The following PKHD1 variants were observed in gnomAD, a reference collection of about 807,000 sequenced individuals.
PKHD1 encodes the protein PKHD1 ciliary IPT domain containing fibrocystin/polyductin, also known as fibrocystin.
In PKHD1, 291 loss-of-function variants were observed where a neutral mutation model predicts 412.0. That is an observed-to-expected ratio of 0.71 (90% CI 0.64 to 0.78). PKHD1 has a LOEUF of 0.78. PKHD1 is among the 30% of genes least tolerant of loss of function. The pLI, the probability that PKHD1 is intolerant of heterozygous loss-of-function variation, is 0.00. For synonymous variants in PKHD1, 1,777 were observed against 1,821.5 expected (o/e 0.98, Z 0.62); for missense variants, 4,825 against 4,950.7 (o/e 0.97, Z 0.76).
chr6:51,886,031 T>C (rs977614525), intron 44 of PKHD1, 59 bp from the exon 45 acceptor site: 4 of 1,027,528 alleles, frequency 3.9e-6, no homozygotes, highest in South Asian at 1.3e-5. Context: ...TTTCTACTTT[T>C]TCTTGTTGAA....
rs1416246794 is a variant in PKHD1, at chr6:52,048,592, CTCTT to C, written c.2303_2306del (p.Glu768GlyfsTer8). On this transcript the variant is annotated frameshift_variant, in exon 23 of 67. Coordinates refer to ENST00000371117, the MANE Select transcript of PKHD1 (RefSeq NM_138694.4). LOFTEE classifies it high-confidence loss of function. ...TCGTCACCAGGACCAGTCCAGATCC[CTCTT>C]CTGTTCCTTCAGTGGGCACAGAGCT... 4 of 1,614,062 alleles carry C rather than the reference CTCTT, an allele frequency of 2.5e-6. No individual in the cohort carries two copies. The Admixed American group carries it at 5.0e-5, about 20-fold the overall frequency.
chr6:51,743,604 A>C (rs1784831369), intron 60 of PKHD1, among the ~76,000 whole-genome samples: 1 of 152,220 alleles, frequency 6.6e-6, no homozygotes, highest in Non-Finnish European at 1.5e-5. Flanking sequence ...GAGCAAAATT[A>C]GAGAAAGAAG....
At chr6:52,039,338 T>C (rs370896914) in intron 27 of PKHD1, among the ~76,000 whole-genome samples, 63 of 151,948 alleles carry the variant, frequency 4.1e-4, no homozygotes, top group South Asian at 2.3e-3. Context: ...GATGATTGCA[T>C]CATGGGGGCA....
At chr6:51,859,343 G>A (rs995952430) in intron 48 of PKHD1, among the ~76,000 whole-genome samples, 6 of 151,786 alleles carry the variant, frequency 4.0e-5, no homozygotes, top group East Asian at 1.9e-4. Context: ...TGGCTAACAC[G>A]GTGAAACCCC....
At chr6:51,697,000 C>T (rs1778878263) in intron 60 of PKHD1, among the ~76,000 whole-genome samples, 1 of 152,026 alleles carries the variant, frequency 6.6e-6, no homozygotes, top group African/African-American at 2.4e-5. Context: ...ACCAGCCTGG[C>T]CAACATGGTG....
rs141997515 is a variant in PKHD1 at position 52,023,989 on chromosome 6, T to G, written c.5236+585A>C. On this transcript the variant is annotated intron_variant, in intron 32 of 66. Coordinates refer to ENST00000371117, the MANE Select transcript of PKHD1 (RefSeq NM_138694.4). ...CTTACTTTCTAAATCACAACCAAATTTGAACTATCTCAAGTGCAACAAGGC... is the reference window on the plus strand; with the variant it reads ...CTTACTTTCTAAATCACAACCAAATGTGAACTATCTCAAGTGCAACAAGGC... 2.0e-5 allele frequency among the ~76,000 whole-genome samples: 3 copies of G among 152,206 alleles called. No homozygotes were observed. In the East Asian group the frequency reaches 5.8e-4, roughly 29 times the overall value.
chr6:52,028,181 T>C lies in PKHD1; in HGVS notation c.3535A>G (p.Asn1179Asp), dbSNP rs775365233. 1.4e-5 allele frequency: 22 copies of C among 1,614,064 alleles called. No homozygotes were observed. Among genetic ancestry groups the C allele is most frequent in the Non-Finnish European group, 1.9e-5 (22 of 1,180,026 alleles). ...AGLHRISVSI[N>D]GVSIHSQGVD... is the part of the protein sequence containing the mutation. ...CCTTGTGAGTGAATGCTGACCCCAT[T>C]GATAGAGACGGAAATTCTGTGGAGA... Residue 1179 changes from asparagine to aspartate, a missense_variant, in exon 30 of 67, where the codon AAT (asparagine) becomes GAT (aspartate). Asn to Asp is a conservative substitution (Grantham distance 23). Transcript: ENST00000371117.
At chr6:51,739,329 C>A (rs192308993) in intron 60 of PKHD1, among the ~76,000 whole-genome samples, 3 of 152,088 alleles carry the variant, frequency 2.0e-5, no homozygotes, top group Non-Finnish European at 4.4e-5. Context: ...CTCCCGGGTT[C>A]AAGCGATTTT....
Position 52,042,861 on chromosome 6 carries a change from A to G in PKHD1, c.3095T>C (p.Ile1032Thr). The G allele has an allele frequency of 1.2e-6, 2 of 1,613,594 alleles. No individual in the cohort carries two copies. The highest frequency in any genetic ancestry group is 1.7e-6 in the Non-Finnish European group (2 of 1,179,702). The change falls in exon 27 of 67, where the codon ATT becomes ACT. Residue 1032 changes from isoleucine to threonine, a missense_variant and splice_region_variant. Coordinates refer to ENST00000371117, the MANE Select transcript of PKHD1 (RefSeq NM_138694.4). ...DMVEPSRAAD[I>T]GGLWATIRGS... ...CTGTGAGACCCTCCCCAGATTACCA[A>G]TATCCGCAGCTCTGGAAGGCTCCAC...
intron 43 of PKHD1, among the ~76,000 whole-genome samples, chr6:51,901,539 A>C (rs1781293233): frequency 6.6e-6 from 1 of 152,114 alleles, no homozygotes; most frequent in Non-Finnish European, 1.5e-5. Flanking sequence ...GGGAGTGGGG[A>C]GGAATAGCAC....
At chr6:51,865,604 C>G (rs1035382199) in intron 48 of PKHD1, among the ~76,000 whole-genome samples, 1 of 152,166 alleles carries the variant, frequency 6.6e-6, no homozygotes, top group African/African-American at 2.4e-5. Context: ...ACTCCCTGCC[C>G]TCTCTGGACC....
At chr6:51,641,648 C>T (rs1473912783) in intron 63 of PKHD1, among the ~76,000 whole-genome samples, 1 of 152,098 alleles carries the variant, frequency 6.6e-6, no homozygotes, top group Non-Finnish European at 1.5e-5. Flanking sequence ...AACACAAATG[C>T]CCATCAATGA....
intron 66 of PKHD1, among the ~76,000 whole-genome samples, chr6:51,624,513 A>G (rs1767005336): frequency 1.3e-5 from 2 of 150,848 alleles, no homozygotes; most frequent in African/African-American, 5.0e-5. Context: ...TAGGACCCCA[A>G]AAAAATGTGC....
chr6:51,985,456 C>T (rs1157063517), intron 35 of PKHD1, among the ~76,000 whole-genome samples: 3 of 152,250 alleles, frequency 2.0e-5, no homozygotes, highest in East Asian at 1.9e-4. Context: ...AGGCCGAGCG[C>T]GGTGGCTCAT....
In PKHD1 at chr6:51,906,326, C is replaced by G. The variant is rs995921388; in HGVS notation, c.6697G>C (p.Gly2233Arg). 6.2e-7 allele frequency: 1 copy of G among 1,610,914 alleles called. No individual in the cohort carries two copies. The highest frequency in any genetic ancestry group is 8.5e-7 in the Non-Finnish European group (1 of 1,177,628). ...VGAMRESFIQ[G>R]CTVRNSFSRG... ...CTGAAGGAGTTCCTCACTGTGCAGCCCTGTATGAAAGACTCTGAATAGGAA... is the reference window on the plus strand; with the variant it reads ...CTGAAGGAGTTCCTCACTGTGCAGCGCTGTATGAAAGACTCTGAATAGGAA... Residue 2233 changes from glycine to arginine, a missense_variant, in exon 41 of 67, where the codon GGC (glycine) becomes CGC (arginine). By Grantham distance (125) the Gly-to-Arg change is moderately radical. Transcript: ENST00000371117.
intron 35 of PKHD1, among the ~76,000 whole-genome samples, chr6:51,992,064 G>A (rs1310361234): frequency 6.6e-6 from 1 of 152,196 alleles, no homozygotes; most frequent in East Asian, 1.9e-4. Context: ...TGTGGGTCCT[G>A]AGACAAGCTT....
chr6:51,667,566 C>A (rs1219448562), intron 60 of PKHD1, among the ~76,000 whole-genome samples: 1 of 152,062 alleles, frequency 6.6e-6, no homozygotes, highest in East Asian at 1.9e-4. Flanking sequence ...CCCATTTGTC[C>A]ATTTTGCCTT....
At chr6:51,982,886 A>T (rs945304699) in intron 35 of PKHD1, among the ~76,000 whole-genome samples, 4 of 97,786 alleles carry the variant, frequency 4.1e-5, no homozygotes, top group African/African-American at 1.1e-4. Context: ...AAAATAAAAT[A>T]AAATAAAAAA....
chr6:51,836,808 C>G (rs577222541), intron 50 of PKHD1, among the ~76,000 whole-genome samples: 1 of 152,176 alleles, frequency 6.6e-6, no homozygotes, highest in Non-Finnish European at 1.5e-5. Flanking sequence ...TTCTCTTCAT[C>G]ATTTTGTAGG....
Sources: allele counts gnomAD v4.1 joint callset (sites outside exome capture counted in the v4.1 genomes callset), GRCh38; gene constraint gnomAD v4.1.1; transcripts MANE v1.5; gene names NCBI Gene and HGNC (gene_info 2026-07-23, HGNC 2026-07-21).